Variants in SNX8 observed in about 807,000 individuals in gnomAD.
The protein encoded by SNX8 is sorting nexin-8.
SNX8 carries 25 observed loss-of-function variants against 51.6 expected under a neutral mutation model. The ratio of observed to expected loss-of-function variants is 0.48; its 90% CI spans 0.35 to 0.68. The LOEUF (loss-of-function observed/expected upper bound fraction) is 0.68, where lower values mean the gene tolerates loss of function less well. SNX8 is among the 30% of genes least tolerant of loss of function. The probability of loss-of-function intolerance (pLI) is 0.00; values close to 1 mark genes in which losing one functional copy is unlikely to be tolerated. For missense variants in SNX8, 695 were observed against 624.0 expected (o/e 1.11, Z -1.21); for synonymous variants, 324 against 277.0 (o/e 1.17, Z -1.68).
chr7:2,262,801 C>T (rs1795368256), intron 7 of SNX8, among the ~76,000 whole-genome samples: 2 of 152,338 alleles, frequency 1.3e-5, no homozygotes, highest in Admixed American at 1.3e-4. Flanking sequence ...ACCCAGGGCA[C>T]AGCTGTCATT....
intron 1 of SNX8, among the ~76,000 whole-genome samples, chr7:2,321,878 C>T (rs1260900063): frequency 1.3e-5 from 2 of 151,898 alleles, no homozygotes; most frequent in African/African-American, 2.4e-5. Flanking sequence ...CGCCCGCCAC[C>T]ATGTCCAGCT....
intron 1 of SNX8, among the ~76,000 whole-genome samples, chr7:2,321,780 G>C (rs772479676): frequency 1.5e-5 from 2 of 131,464 alleles, no homozygotes; most frequent in African/African-American, 3.0e-5. Flanking sequence ...GCAATGTTGC[G>C]ATCTCGGATC....
chr7:2,256,978 G>C lies in SNX8; in HGVS notation c.1180C>G (p.Leu394Val). The C allele has an allele frequency of 6.2e-7, 1 of 1,613,160 alleles. No homozygotes were observed. Among genetic ancestry groups the C allele is most frequent in the Non-Finnish European group, 8.5e-7 (1 of 1,179,544 alleles). ...TGCGTCTCCTGGTGCAGGCAGTACAGGGAGAAGTAGTTCCGCAGCTCCATC... is the reference window on the plus strand; with the variant it reads ...TGCGTCTCCTGGTGCAGGCAGTACACGGAGAAGTAGTTCCGCAGCTCCATC... ...QTMELRNYFS[L>V]YCLHQETQLI... The change falls in exon 10 of 11, where the codon CTG (leucine) becomes GTG (valine). Residue 394 changes from leucine to valine, a missense_variant. Transcript: ENST00000222990.
At chr7:2,347,613 C>CT (rs779721737) in intron 1 of SNX8, among the ~76,000 whole-genome samples, 1,573 of 121,574 alleles carry the variant, frequency 0.013, 24 homozygotes, top group African/African-American at 0.04. Context: ...ACACTGGATT[C>CT]TTTTTTTTTT....
At chr7:2,311,306 C>G (rs572170781) in intron 1 of SNX8, among the ~76,000 whole-genome samples, 120 of 152,332 alleles carry the variant, frequency 7.9e-4, no homozygotes, top group African/African-American at 2.8e-3. Context: ...TCAAACCAAC[C>G]TTAGTGAACG....
intron 1 of SNX8, chr7:2,288,264 A>C (rs993436216): frequency 6.7e-6 from 1 of 149,774 alleles, no homozygotes; most frequent in Non-Finnish European, 1.5e-5. Flanking sequence ...GAATCACTTG[A>C]GCCTGAGAGG....
chr7:2,275,045 A>T, intron 3 of SNX8, 67 bp downstream of exon 3: 1 of 1,088,372 alleles, frequency 9.2e-7, no homozygotes, highest in Non-Finnish European at 1.4e-6. Context: ...TCCCTGAGCC[A>T]GGACCACAGG....
chr7:2,293,602 C>T (rs1016669450), intron 1 of SNX8, among the ~76,000 whole-genome samples: 1 of 151,250 alleles, frequency 6.6e-6, no homozygotes, highest in African/African-American at 2.4e-5. Context: ...GTGATGGTTG[C>T]AGTGAGCCAA....
intron 1 of SNX8, among the ~76,000 whole-genome samples, chr7:2,303,677 A>G (rs997508320): frequency 3.9e-5 from 6 of 152,122 alleles, no homozygotes; most frequent in Non-Finnish European, 8.8e-5. Context: ...GCTCTCTGAA[A>G]CATGTGCTGT....
At chr7:2,267,379 G>A (rs1227910898) in intron 5 of SNX8, among the ~76,000 whole-genome samples, 4 of 125,868 alleles carry the variant, frequency 3.2e-5, no homozygotes, top group Non-Finnish European at 4.9e-5. Context: ...CGGAGCCGAA[G>A]CTGGACTGTA....
At chr7:2,343,233 G>C (rs1382264346) in intron 1 of SNX8, among the ~76,000 whole-genome samples, 2 of 151,972 alleles carry the variant, frequency 1.3e-5, no homozygotes, top group Non-Finnish European at 2.9e-5. Flanking sequence ...ACCTGGCCTT[G>C]ATAATTTTAA....
chr7:2,264,760 G>A (rs1460197212), intron 5 of SNX8, among the ~76,000 whole-genome samples: 1 of 152,290 alleles, frequency 6.6e-6, no homozygotes, highest in South Asian at 2.1e-4. Context: ...ATAAGGCCAG[G>A]GGCAGTCACT....
intron 2 of SNX8, among the ~76,000 whole-genome samples, chr7:2,275,453 A>C (rs1217505552): frequency 6.6e-6 from 1 of 152,192 alleles, no homozygotes; most frequent in Non-Finnish European, 1.5e-5. Context: ...TAATCTCAGC[A>C]TTCTGGGAGG....
intron 1 of SNX8, among the ~76,000 whole-genome samples, chr7:2,305,865 G>C (rs1459911915): frequency 6.6e-6 from 1 of 151,852 alleles, no homozygotes; most frequent in Admixed American, 6.6e-5. Context: ...AGAACTGCTT[G>C]AGCCCAGGAG....
At chr7:2,333,932 T>C (rs1429150492) in intron 1 of SNX8, among the ~76,000 whole-genome samples, 4 of 151,128 alleles carry the variant, frequency 2.6e-5, no homozygotes, top group Non-Finnish European at 4.4e-5. Flanking sequence ...AAACTGGGAG[T>C]ATGAGACCAG....
chr7:2,267,525 GC>G (rs1329878661), intron 5 of SNX8, among the ~76,000 whole-genome samples: 1 of 131,138 alleles, frequency 7.6e-6, no homozygotes, highest in African/African-American at 2.8e-5. Context: ...TGTTGGCCGG[GC>G]CGGTCTCCAG....
chr7:2,347,572 C>A (rs963427845), intron 1 of SNX8, among the ~76,000 whole-genome samples: 1 of 146,352 alleles, frequency 6.8e-6, no homozygotes, highest in Non-Finnish European at 1.5e-5. Context: ...CATGGTCAAA[C>A]GAGACAGGGA....
chr7:2,351,068 G>A (rs1192179207), intron 1 of SNX8, among the ~76,000 whole-genome samples: 2 of 152,108 alleles, frequency 1.3e-5, no homozygotes, highest in Admixed American at 6.5e-5. Context: ...AGTGAGCCAT[G>A]ATTGCGCCAC....
intron 1 of SNX8, among the ~76,000 whole-genome samples, chr7:2,334,143 C>T (rs1197300484): frequency 6.6e-6 from 1 of 151,844 alleles, no homozygotes; most frequent in East Asian, 1.9e-4. Flanking sequence ...AGGCCAGGCA[C>T]GGTGGCTCAT....
Sources: allele counts gnomAD v4.1 joint callset (sites outside exome capture counted in the v4.1 genomes callset), GRCh38; gene constraint gnomAD v4.1.1; transcripts MANE v1.5; gene names NCBI Gene and HGNC (gene_info 2026-07-23, HGNC 2026-07-21).